CKAP5: variants seen among roughly 807,000 people sequenced by gnomAD.
CKAP5 encodes cytoskeleton-associated protein 5.
CKAP5 carries 27 observed loss-of-function variants against 232.8 expected under a neutral mutation model. The observed-to-expected ratio is 0.12, with a 90% CI of 0.09 to 0.16. CKAP5 has a LOEUF of 0.16. Among genes scored for constraint, CKAP5 ranks in the 10% least tolerant of loss-of-function variants. CKAP5 has a pLI of 1.00. For synonymous variants in CKAP5, 785 were observed against 841.1 expected, an observed-to-expected ratio of 0.93 and a Z score of 1.16; for missense variants, 1,838 against 2,424.7, an observed-to-expected ratio of 0.76 and a Z score of 5.08.
At chr11:46,807,585 TTA>T (rs759706348) in intron 8 of CKAP5, among the ~76,000 whole-genome samples, 6 of 152,248 alleles carry the variant, frequency 3.9e-5, no homozygotes, top group Non-Finnish European at 5.9e-5. Context: ...CTAAAAATGT[TTA>T]TCTCTTACTT....
intron 36 of CKAP5, among the ~76,000 whole-genome samples, chr11:46,754,335 T>A (rs1270970605): frequency 6.6e-6 from 1 of 152,188 alleles, no homozygotes; most frequent in Non-Finnish European, 1.5e-5. Context: ...TTTACTGTTA[T>A]GCCAAATTTG....
chr11:46,815,837 C>T (rs1043407162), intron 4 of CKAP5, among the ~76,000 whole-genome samples: 3 of 152,166 alleles, frequency 2.0e-5, no homozygotes, highest in Non-Finnish European at 4.4e-5. Context: ...AATTGAGATA[C>T]TCTAGTTCAG....
intron 2 of CKAP5, among the ~76,000 whole-genome samples, chr11:46,818,876 T>C (rs569364851): frequency 6.6e-6 from 1 of 152,296 alleles, no homozygotes; most frequent in East Asian, 1.9e-4. Flanking sequence ...ATGCTGTTTT[T>C]TGGTTCTATT....
At chr11:46,753,604 T>C in intron 36 of CKAP5, 107 bp from the exon 37 acceptor site, 1 of 852,012 alleles carries the variant, frequency 1.2e-6, no homozygotes, top group South Asian at 1.9e-5. Flanking sequence ...ATTTTTTTTT[T>C]GAGACGGAGT....
chr11:46,831,231 ATAT>A (rs1282783671), intron 1 of CKAP5, among the ~76,000 whole-genome samples: 11 of 152,038 alleles, frequency 7.2e-5, no homozygotes, highest in Non-Finnish European at 1.5e-4. Context: ...TGTATTTTTT[ATAT>A]TATTAAATTT....
At chr11:46,789,371 G>A (rs2065426730) in intron 15 of CKAP5, among the ~76,000 whole-genome samples, 1 of 152,136 alleles carries the variant, frequency 6.6e-6, no homozygotes, top group Non-Finnish European at 1.5e-5. Flanking sequence ...TCATACCAAT[G>A]GATAATGTCC....
chr11:46,828,679 GATA>G (rs1274783887), intron 1 of CKAP5, among the ~76,000 whole-genome samples: 1 of 152,254 alleles, frequency 6.6e-6, no homozygotes, highest in Admixed American at 6.5e-5. Flanking sequence ...CACACAAATG[GATA>G]ATACCCTGTG....
At chr11:46,819,723 G>GA (rs200162003) in intron 2 of CKAP5, among the ~76,000 whole-genome samples, 3,176 of 152,132 alleles carry the variant, frequency 0.021, 49 homozygotes, top group Non-Finnish European at 0.032. Flanking sequence ...TATGCTCACA[G>GA]AAAAAACTCT....
At chr11:46,828,262 G>A (rs905582181) in intron 1 of CKAP5, among the ~76,000 whole-genome samples, 6 of 151,730 alleles carry the variant, frequency 4.0e-5, no homozygotes, top group East Asian at 1.9e-4. Flanking sequence ...GGGTGGGGGC[G>A]GGGTAGATAA....
In CKAP5 at chr11:46,743,959, T is replaced by TA; in HGVS notation, c.*63dup. 1 of 1,606,704 alleles carries TA rather than the reference T, an allele frequency of 6.2e-7. No individual in the cohort carries two copies. Among genetic ancestry groups the TA allele is most frequent in the Middle Eastern group, 2.3e-4 (1 of 4,426 alleles). On this transcript the variant is annotated 3_prime_UTR_variant, in exon 44 of 44. Coordinates refer to ENST00000529230, the MANE Select transcript of CKAP5 (RefSeq NM_001008938.4). ...TACACTAGGCCTGCTGAGGCCATTT[T>TA]AAACTATGAGGACTTCTAGTTTAGT...
intron 1 of CKAP5, among the ~76,000 whole-genome samples, chr11:46,829,736 G>A (rs1037266186): frequency 1.3e-5 from 2 of 152,032 alleles, no homozygotes; most frequent in Non-Finnish European, 2.9e-5. Context: ...GATCCCTAAC[G>A]TTGGCATTGC....
rs192876259 is a variant in CKAP5, at chr11:46,785,322, T to C, written c.1969-649A>G. Among the ~76,000 whole-genome samples the C allele has an allele frequency of 2.8e-3, 420 of 152,308 alleles. 2 individuals carry two copies. Among genetic ancestry groups the C allele is most frequent in the African/African-American group, 9.6e-3 (398 of 41,564 alleles). On this transcript the variant is annotated intron_variant, in intron 16 of 43. Coordinates refer to ENST00000529230, the MANE Select transcript of CKAP5 (RefSeq NM_001008938.4). ...ACAGATTAATTTAGGTGACAAATAC[T>C]CCCATTTATTTATGTATTTATTTGA...
chr11:46,806,213 A>G (rs1565745279), intron 8 of CKAP5, among the ~76,000 whole-genome samples: 4 of 152,208 alleles, frequency 2.6e-5, no homozygotes, highest in Admixed American at 1.3e-4. Context: ...CTCTCTCTTT[A>G]TATAGTACAG....
intron 1 of CKAP5, among the ~76,000 whole-genome samples, chr11:46,830,958 G>C (rs1288864507): frequency 6.6e-6 from 1 of 152,038 alleles, no homozygotes; most frequent in African/African-American, 2.4e-5. Context: ...CCAGCTACTC[G>C]GGAGGCTGAG....
rs1429963466 is a variant in CKAP5 at position 46,809,377 on chromosome 11, AAAG to A, written c.864+20_864+22del. 5 of 1,399,858 alleles carry A rather than the reference AAAG, an allele frequency of 3.6e-6. No individual in the cohort carries two copies. Among genetic ancestry groups the A allele is most frequent in the Non-Finnish European group, 5.0e-6 (5 of 994,016 alleles). The allele number at this position is 1,399,858 out of a possible 1,614,324, so 86.7% of individuals were successfully genotyped here. A position where few individuals can be genotyped will look rare whatever the true frequency, so the allele number is the denominator to read the frequency against. The stretch of plus-strand genomic sequence containing the variant: ...GTAATTATTTTACAAGAAATAAATG[AAAG>A]AAGTTTAACTATTACTTACAATTTT... On this transcript the variant is annotated intron_variant, in intron 7 of 43. Transcript: ENST00000529230.
In CKAP5 at chr11:46,758,905, C is replaced by T. The variant is rs776147239; in HGVS notation, c.4689+18G>A. ...ATGTCCACCAATGGAATCCCTGTCA[C>T]GGGAGCACACCCATTACCTGTGTCA... On this transcript the variant is annotated intron_variant, in intron 35 of 43. Transcript: ENST00000529230. 60 of 1,612,810 alleles carry T rather than the reference C, an allele frequency of 3.7e-5. No individual in the cohort carries two copies. The highest frequency in any genetic ancestry group is 1.5e-4 in the Admixed American group (9 of 59,842).
At chr11:46,791,624 T>C (rs138934834) in intron 13 of CKAP5, among the ~76,000 whole-genome samples, 1 of 152,100 alleles carries the variant, frequency 6.6e-6, no homozygotes, top group Non-Finnish European at 1.5e-5. Context: ...CAGTGAGCCA[T>C]GATCATGTCA....
chr11:46,751,044 G>C (rs1409970371), intron 40 of CKAP5, 74 bp downstream of exon 40: 1 of 1,565,984 alleles, frequency 6.4e-7, no homozygotes, highest in Non-Finnish European at 8.7e-7. Flanking sequence ...GCATATCCTG[G>C]TGACCTACAC....
At chr11:46,793,415 C>A (rs1699326160) in intron 13 of CKAP5, among the ~76,000 whole-genome samples, 1 of 152,188 alleles carries the variant, frequency 6.6e-6, no homozygotes, top group Admixed American at 6.5e-5. Flanking sequence ...CCACAGGACA[C>A]ATGCTCATTA....
Sources: gnomAD v4.1 joint callset for allele counts (sites outside exome capture counted in the v4.1 genomes callset) on GRCh38, gnomAD v4.1.1 for gene constraint, MANE v1.5 for transcripts, NCBI Gene and HGNC (gene_info 2026-07-23, HGNC 2026-07-21) for gene names.